TTC27: variants seen among roughly 807,000 people sequenced by gnomAD.
TTC27 encodes the protein tetratricopeptide repeat protein 27.
A neutral mutation model predicts 115.9 loss-of-function variants in TTC27; 79 were observed. That is an observed-to-expected ratio of 0.68 (90% confidence interval 0.57 to 0.82). The LOEUF (loss-of-function observed/expected upper bound fraction) is 0.82. Ranked by LOEUF, TTC27 falls within the 40% of genes least tolerant of loss-of-function variation. TTC27 has a pLI of 0.00. For synonymous variants in TTC27, 401 were observed against 356.0 expected (o/e 1.13, Z -1.42); for missense variants, 1,054 against 993.1 (o/e 1.06, Z -0.82).
At chr2:32,660,036 T>G (rs1665479234) in intron 5 of TTC27, among the ~76,000 whole-genome samples, 1 of 152,236 alleles carries the variant, frequency 6.6e-6, no homozygotes. Context: ...TACCCAGTAA[T>G]GGGATTGCTG....
At chr2:32,733,376 T>G (rs966402123) in intron 10 of TTC27, among the ~76,000 whole-genome samples, 1 of 152,254 alleles carries the variant, frequency 6.6e-6, no homozygotes, top group Non-Finnish European at 1.5e-5. Flanking sequence ...ACTTGCTCTC[T>G]GTGATCAAAT....
At chr2:32,722,485 G>A (rs1331883173) in intron 10 of TTC27, among the ~76,000 whole-genome samples, 1 of 152,156 alleles carries the variant, frequency 6.6e-6, no homozygotes, top group African/African-American at 2.4e-5. Flanking sequence ...ATCCTAGGGA[G>A]GAGTCATTAT....
In TTC27 at chr2:32,812,567, A is replaced by G. The variant is rs139965170; in HGVS notation, c.2260A>G (p.Ile754Val). ...CCAGTCCAATTGTTGGGAGAAAGAT[A>G]TTACATCATTTAAGGAAGTTGTTCA... ...DTQSNCWEKD[I>V]TSFKEVVQRA... The change falls in exon 18 of 20, where the codon ATT becomes GTT. Residue 754 changes from isoleucine to valine, a missense_variant. Transcript: ENST00000317907. 5 of 1,614,148 alleles carry G rather than the reference A, an allele frequency of 3.1e-6. No homozygotes were observed. The East Asian group carries it at 6.7e-5, about 22-fold the overall frequency.
chr2:32,754,513 G>A (rs1325414017), intron 12 of TTC27, among the ~76,000 whole-genome samples: 1 of 149,248 alleles, frequency 6.7e-6, no homozygotes, highest in Non-Finnish European at 1.5e-5. Context: ...TCTTAGTACA[G>A]AACAAAATGA....
intron 18 of TTC27, among the ~76,000 whole-genome samples, chr2:32,814,349 C>T (rs1349979840): frequency 6.6e-6 from 1 of 152,214 alleles, no homozygotes; most frequent in Non-Finnish European, 1.5e-5. Flanking sequence ...TTAAGTTCTC[C>T]TCTGACATCA....
intron 9 of TTC27, among the ~76,000 whole-genome samples, chr2:32,689,628 T>C (rs750177119): frequency 2.6e-5 from 4 of 152,190 alleles, no homozygotes; most frequent in African/African-American, 7.2e-5. Flanking sequence ...GGGGGGAATA[T>C]ACTGTTTAGA....
chr2:32,804,935 T>C (rs1558353085), intron 16 of TTC27, among the ~76,000 whole-genome samples: 1 of 152,124 alleles, frequency 6.6e-6, no homozygotes, highest in Non-Finnish European at 1.5e-5. Flanking sequence ...CAAAACCCAT[T>C]CTGGTTCTGG....
chr2:32,758,697 G>C (rs765364257), intron 13 of TTC27, among the ~76,000 whole-genome samples, 178 bp downstream of exon 13: 3 of 152,172 alleles, frequency 2.0e-5, no homozygotes, highest in Non-Finnish European at 2.9e-5. Flanking sequence ...GCAAAAAGTG[G>C]ATAGGTTTTT....
Position 32,812,503 on chromosome 2 carries a change from G to A in TTC27, c.2197-1G>A. The A allele has an allele frequency of 6.2e-7, 1 of 1,605,806 alleles. No individual in the cohort carries two copies. Reference sequence around the variant, plus strand: ...GAATGTTGTTCTTTCTCCTTCCTCAGGCATTCCAGTGCCTCTCAAAGGCAT... The same window carrying A: ...GAATGTTGTTCTTTCTCCTTCCTCAAGCATTCCAGTGCCTCTCAAAGGCAT... On this transcript the variant is annotated splice_acceptor_variant, in intron 17 of 19. Coordinates refer to ENST00000317907, the MANE Select transcript of TTC27 (RefSeq NM_017735.5). LOFTEE classifies it high-confidence loss of function.
chr2:32,780,991 G>A (rs1670157217), intron 14 of TTC27, among the ~76,000 whole-genome samples: 1 of 152,136 alleles, frequency 6.6e-6, no homozygotes, highest in African/African-American at 2.4e-5. Context: ...CAAGGAGAAG[G>A]TTAGAAGTTT....
rs565159376 is a variant in TTC27 at position 32,714,019 on chromosome 2, A to G, written c.1233+11099A>G. ...CCAATTATAAGTGAGAGTATGCACT[A>G]TTTGGTTTTCTGTCCTTGCATTAGT... On this transcript the variant is annotated intron_variant, in intron 10 of 19. Transcript: ENST00000317907. Among the ~76,000 whole-genome samples the G allele has an allele frequency of 3.6e-4, 55 of 152,166 alleles. No individual in the cohort carries two copies. In the South Asian group the frequency reaches 0.011, roughly 31 times the overall value.
intron 3 of TTC27, among the ~76,000 whole-genome samples, chr2:32,636,750 A>G (rs1664444085): frequency 6.6e-6 from 1 of 152,238 alleles, no homozygotes; most frequent in African/African-American, 2.4e-5. Context: ...TTCAGACCAT[A>G]AGAAATATTG....
chr2:32,728,037 C>CTTTT (rs564322443), intron 10 of TTC27, among the ~76,000 whole-genome samples: 7 of 105,332 alleles, frequency 6.6e-5, no homozygotes, highest in African/African-American at 1.7e-4. Flanking sequence ...AGGACTGCCT[C>CTTTT]TTTTTTTTTT....
At chr2:32,770,911 A>G (rs7575059) in intron 13 of TTC27, among the ~76,000 whole-genome samples, 125,087 of 152,168 alleles carry the variant, frequency 0.82, 51,477 homozygotes, top group Middle Eastern at 0.9. Context: ...GGATGAACAT[A>G]TGTGAATAAT....
intron 5 of TTC27, among the ~76,000 whole-genome samples, chr2:32,653,602 A>AC (rs981881560): frequency 2.0e-5 from 3 of 151,218 alleles, no homozygotes; most frequent in Non-Finnish European, 3.0e-5. Context: ...TCAAAAAAAA[A>AC]AAAACAAAAA....
In TTC27 at chr2:32,630,179, A is replaced by G. The variant is rs564708330; in HGVS notation, c.89-344A>G. ...GGAGGTAGAAAGAACCAGATTGTGA[A>G]AAGTTTTAGAACCTTGACTAAGGAA... On this transcript the variant is annotated intron_variant, in intron 1 of 19. Coordinates refer to ENST00000317907, the MANE Select transcript of TTC27 (RefSeq NM_017735.5). Among the ~76,000 whole-genome samples the G allele has an allele frequency of 3.9e-5, 6 of 152,330 alleles. No individual in the cohort carries two copies. The South Asian group carries it at 6.2e-4, about 16-fold the overall frequency.
At chr2:32,682,849 T>TG (rs1666486052) in intron 9 of TTC27, among the ~76,000 whole-genome samples, 1 of 104,648 alleles carries the variant, frequency 9.6e-6, no homozygotes, top group Admixed American at 9.6e-5. Context: ...TTATTGTTGT[T>TG]TTTTTTTTTT....
chr2:32,672,354 C>CT lies in TTC27; in HGVS notation c.1023dup (p.Glu342Ter). On this transcript the variant is annotated frameshift_variant, in exon 8 of 20. Transcript: ENST00000317907. LOFTEE classifies it high-confidence loss of function. ...CAGTTCCAGATGCCGGATCTGTGTGCTGAAGAGATCGCTATTATTCTTGGA... is the reference window on the plus strand; with the variant it reads ...CAGTTCCAGATGCCGGATCTGTGTGCTTGAAGAGATCGCTATTATTCTTGGA... 2 of 1,613,570 alleles carry CT rather than the reference C, an allele frequency of 1.2e-6. No individual in the cohort carries two copies. Among genetic ancestry groups the CT allele is most frequent in the South Asian group, 1.1e-5 (1 of 91,042 alleles).
intron 5 of TTC27, among the ~76,000 whole-genome samples, chr2:32,652,757 A>G (rs1001727674): frequency 1.3e-5 from 2 of 152,220 alleles, no homozygotes; most frequent in African/African-American, 2.4e-5. Flanking sequence ...GATTTGATCC[A>G]AATGTAATAA....
Sources: gnomAD v4.1 joint callset for allele counts (sites outside exome capture counted in the v4.1 genomes callset) on GRCh38, gnomAD v4.1.1 for gene constraint, MANE v1.5 for transcripts, NCBI Gene and HGNC (gene_info 2026-07-23, HGNC 2026-07-21) for gene names.